Variants in EYS observed in about 807,000 individuals in gnomAD.
EYS encodes EGF-like photoreceptor maintenance factor, also known as protein eyes shut homolog.
A neutral mutation model predicts 282.1 loss-of-function variants in EYS; 250 were observed. The ratio of observed to expected loss-of-function variants is 0.89; its 90% confidence interval spans 0.80 to 0.98. EYS has a LOEUF of 0.98. Ranked by LOEUF, EYS falls within the 50% of genes least tolerant of loss-of-function variation. EYS has a pLI of 0.00. For missense variants in EYS, 4,016 were observed against 3,709.0 expected (o/e 1.08, Z -2.15); for synonymous variants, 1,355 against 1,282.9 (o/e 1.06, Z -1.20).
At chr6:63,929,929 A>G (rs920400821) in intron 35 of EYS, among the ~76,000 whole-genome samples, 13 of 152,216 alleles carry the variant, frequency 8.5e-5, no homozygotes, top group Non-Finnish European at 1.6e-4. Context: ...GACTTACCCT[A>G]TTAGTTATCA....
chr6:64,519,947 A>G (rs969908552), intron 26 of EYS, among the ~76,000 whole-genome samples: 4 of 151,840 alleles, frequency 2.6e-5, no homozygotes, highest in African/African-American at 9.7e-5. Context: ...AACTACTACC[A>G]TATGCAAAAT....
At chr6:63,979,401 A>AGCAGATT (rs1439030621) in intron 35 of EYS, among the ~76,000 whole-genome samples, 2 of 152,098 alleles carry the variant, frequency 1.3e-5, no homozygotes, top group Middle Eastern at 6.8e-3. Context: ...AAGCATAGAA[A>AGCAGATT]GCAGATTCAT....
At chr6:65,338,451 A>G (rs1188129991) in intron 10 of EYS, among the ~76,000 whole-genome samples, 3 of 151,192 alleles carry the variant, frequency 2.0e-5, no homozygotes, top group African/African-American at 7.3e-5. Flanking sequence ...TTTTATACAA[A>G]AAATTCTATT....
chr6:65,443,709 TATACACATATATACAC>T (rs1249026596), intron 5 of EYS, among the ~76,000 whole-genome samples: 2 of 53,860 alleles, frequency 3.7e-5, no homozygotes, highest in African/African-American at 1.0e-4. Flanking sequence ...CATATGTGCA[TATACACATATATACAC>T]ATACGTGCAT....
At position 65,549,544 on chromosome 6, in the gene EYS, G is replaced by A. The variant is rs190549696; in HGVS notation, c.-332-53551C>T. On this transcript the variant is annotated intron_variant, in intron 2 of 42. Transcript: ENST00000503581. ...AGTTGCTATGAAGACCTTATCTGTT[G>A]TATTCCTAGGGCTGTCTTTAAGAAC... 1.5e-4 allele frequency among the ~76,000 whole-genome samples: 23 copies of A among 152,178 alleles called. No homozygotes were observed. The East Asian group carries it at 3.9e-3, about 26-fold the overall frequency.
intron 27 of EYS, among the ~76,000 whole-genome samples, 185 bp from the exon 28 acceptor site, chr6:64,436,450 C>A (rs1774751005): frequency 6.6e-6 from 1 of 151,642 alleles, no homozygotes; most frequent in South Asian, 2.1e-4. Context: ...TTAATACATA[C>A]AAATATATGA....
At chr6:64,228,452 T>A (rs1201477262) in intron 31 of EYS, among the ~76,000 whole-genome samples, 2 of 152,150 alleles carry the variant, frequency 1.3e-5, no homozygotes, top group Admixed American at 1.3e-4. Context: ...GCCTCAGTAT[T>A]AATGAATTAA....
At chr6:63,874,169 G>A (rs1201597853) in intron 35 of EYS, among the ~76,000 whole-genome samples, 1 of 152,140 alleles carries the variant, frequency 6.6e-6, no homozygotes, top group Non-Finnish European at 1.5e-5. Context: ...ATTAATTTTT[G>A]TATAAGGTGT....
intron 26 of EYS, among the ~76,000 whole-genome samples, chr6:64,581,378 A>C (rs1257694497): frequency 6.6e-6 from 1 of 152,142 alleles, no homozygotes; most frequent in African/African-American, 2.4e-5. Flanking sequence ...AATGAAAATC[A>C]GAACCATTTG....
chr6:63,752,141 A>G (rs572678847), intron 41 of EYS, among the ~76,000 whole-genome samples: 15 of 152,324 alleles, frequency 9.8e-5, no homozygotes, highest in Non-Finnish European at 2.1e-4. Context: ...AAAATAAAGC[A>G]TATAGTGATC....
At chr6:65,681,534 G>A (rs1768818911) in intron 1 of EYS, among the ~76,000 whole-genome samples, 1 of 151,906 alleles carries the variant, frequency 6.6e-6, no homozygotes. Context: ...CGATATAGCA[G>A]AGCTGAATTA....
At chr6:65,079,515 T>G (rs1400614594) in intron 12 of EYS, among the ~76,000 whole-genome samples, 1 of 152,064 alleles carries the variant, frequency 6.6e-6, no homozygotes, top group African/African-American at 2.4e-5. Flanking sequence ...ATGTCAGATT[T>G]CAAAGACTAA....
Position 63,965,186 on chromosome 6 carries a change from A to T in EYS, c.7055+19197T>A, listed in dbSNP as rs117415521. 1.7e-3 allele frequency among the ~76,000 whole-genome samples: 258 copies of T among 152,236 alleles called. 3 individuals are homozygous for T. The East Asian group carries it at 0.042, about 25-fold the overall frequency. On this transcript the variant is annotated intron_variant, in intron 35 of 42. Coordinates refer to ENST00000503581, the MANE Select transcript of EYS (RefSeq NM_001142800.2). ...CTTTCTATTTTTGTATTTATCCTTT[A>T]TAGGGTAGAATTCTTACTTTGTGTA...
chr6:64,709,532 T>G (rs905338616), intron 22 of EYS, among the ~76,000 whole-genome samples: 3 of 152,206 alleles, frequency 2.0e-5, no homozygotes, highest in African/African-American at 7.2e-5. Flanking sequence ...TTTTAAATAA[T>G]AACTTTGCTG....
chr6:64,759,319 A>G (rs1314617963), intron 22 of EYS, among the ~76,000 whole-genome samples: 1 of 152,182 alleles, frequency 6.6e-6, no homozygotes, highest in Non-Finnish European at 1.5e-5. Flanking sequence ...GACATGATAC[A>G]CTACTTATCA....
intron 36 of EYS, among the ~76,000 whole-genome samples, chr6:63,811,548 T>C (rs1771046901): frequency 6.6e-6 from 1 of 152,154 alleles, no homozygotes; most frequent in Admixed American, 6.5e-5. Flanking sequence ...CTACCATCAT[T>C]CTGTATTTGA....
At chr6:63,923,677 A>G (rs1240710537) in intron 35 of EYS, among the ~76,000 whole-genome samples, 3 of 152,118 alleles carry the variant, frequency 2.0e-5, no homozygotes, top group Non-Finnish European at 4.4e-5. Context: ...TGGTCCTTTC[A>G]CCCAGGTACT....
intron 1 of EYS, 87 bp from the exon 2 acceptor site, chr6:65,639,979 T>C (rs932140188): frequency 7.9e-5 from 12 of 152,176 alleles, no homozygotes; most frequent in Non-Finnish European, 1.6e-4. Flanking sequence ...TGGAGGGATA[T>C]AATCCCCTCC....
intron 13 of EYS, among the ~76,000 whole-genome samples, chr6:65,002,470 AG>A (rs1203066622): frequency 1.4e-5 from 2 of 147,548 alleles, no homozygotes; most frequent in Non-Finnish European, 3.0e-5. Context: ...TCAGTTTGCT[AG>A]GGCCCCACCA....
Sources: gnomAD v4.1 joint callset for allele counts (sites outside exome capture counted in the v4.1 genomes callset) on GRCh38, gnomAD v4.1.1 for gene constraint, MANE v1.5 for transcripts, NCBI Gene and HGNC (gene_info 2026-07-23, HGNC 2026-07-21) for gene names.